The following DPP10 variants were observed in gnomAD, a reference collection of about 807,000 sequenced individuals.
The protein encoded by DPP10 is inactive dipeptidyl peptidase 10.
DPP10 carries 33 observed loss-of-function variants against 120.9 expected under a neutral mutation model. The observed-to-expected ratio is 0.27, with a 90% CI of 0.21 to 0.37. DPP10 has a LOEUF of 0.37. Among genes scored for constraint, DPP10 ranks in the 10% least tolerant of loss-of-function variants. The pLI, the probability that DPP10 is intolerant of heterozygous loss-of-function variation, is 1.00. For synonymous variants in DPP10, 337 were observed against 326.1 expected, an observed-to-expected ratio of 1.03 and a Z score of -0.36; for missense variants, 816 against 942.8, an observed-to-expected ratio of 0.87 and a Z score of 1.76.
chr2:114,590,236 C>G (rs989421304), intron 1 of DPP10, among the ~76,000 whole-genome samples: 3 of 152,022 alleles, frequency 2.0e-5, no homozygotes, highest in African/African-American at 7.2e-5. Flanking sequence ...TTACTGAAAT[C>G]TTATATCTGT....
intron 5 of DPP10, among the ~76,000 whole-genome samples, chr2:115,575,158 G>C (rs143090932): frequency 6.6e-5 from 10 of 152,272 alleles, no homozygotes; most frequent in African/African-American, 2.2e-4. Context: ...ATACCAACAT[G>C]AAAGGCTGAG....
chr2:114,671,213 G>C (rs1455459516), intron 1 of DPP10, among the ~76,000 whole-genome samples: 1 of 152,150 alleles, frequency 6.6e-6, no homozygotes, highest in Non-Finnish European at 1.5e-5. Context: ...AAAGACTAAA[G>C]ACTTAGGAGG....
At chr2:114,595,941 G>T (rs1208637047) in intron 1 of DPP10, among the ~76,000 whole-genome samples, 1 of 152,060 alleles carries the variant, frequency 6.6e-6, no homozygotes, top group Admixed American at 6.6e-5. Flanking sequence ...ATCCCACAGT[G>T]GTTTGCCAAT....
chr2:115,551,536 T>G (rs1222222208), intron 5 of DPP10, among the ~76,000 whole-genome samples: 1 of 152,136 alleles, frequency 6.6e-6, no homozygotes, highest in Non-Finnish European at 1.5e-5. Context: ...TGCCTCTCCC[T>G]AGTATTCCAT....
At chr2:115,231,497 G>A (rs188603841) in intron 1 of DPP10, among the ~76,000 whole-genome samples, 180 of 152,060 alleles carry the variant, frequency 1.2e-3, no homozygotes, top group Non-Finnish European at 2.4e-3. Context: ...AAATTAGAAG[G>A]GGTCTTAGAA....
Position 115,270,889 on chromosome 2 carries a change from T to A in DPP10, c.61-38350T>A, listed in dbSNP as rs1000971699. 2.1e-4 allele frequency among the ~76,000 whole-genome samples: 22 copies of A among 104,578 alleles called. No homozygotes were observed. In the South Asian group the frequency reaches 5.4e-3, roughly 26 times the overall value. 68.6% of individuals were successfully genotyped at this position (104,578 alleles called of 152,430 possible). A position where few individuals can be genotyped will look rare whatever the true frequency, so the allele number is the denominator to read the frequency against. The stretch of plus-strand genomic sequence containing the variant: ...TGAAATCTATTTGTTCTTTATATTG[T>A]TTTTTTTTAAGTTTATCTTCATTAA... On this transcript the variant is annotated intron_variant, in intron 1 of 25. Transcript: ENST00000410059.
At chr2:115,583,302 A>G (rs192146701) in intron 5 of DPP10, among the ~76,000 whole-genome samples, 1 of 152,330 alleles carries the variant, frequency 6.6e-6, no homozygotes, top group Admixed American at 6.5e-5. Flanking sequence ...GCATAAAACC[A>G]CAGGATTGCA....
At chr2:114,963,702 T>G (rs562905092) in intron 1 of DPP10, among the ~76,000 whole-genome samples, 1 of 152,236 alleles carries the variant, frequency 6.6e-6, no homozygotes, top group Non-Finnish European at 1.5e-5. Context: ...TGAGCTAAGC[T>G]TGAGTCTACA....
chr2:114,448,457 G>T (rs991649308), intron 1 of DPP10, among the ~76,000 whole-genome samples: 14 of 152,258 alleles, frequency 9.2e-5, no homozygotes, highest in Non-Finnish European at 1.5e-5. Flanking sequence ...AAGCATGGAC[G>T]TAGTAAGCTA....
chr2:115,819,279 G>A (rs1189150676), intron 21 of DPP10, among the ~76,000 whole-genome samples: 2 of 152,118 alleles, frequency 1.3e-5, no homozygotes, highest in Non-Finnish European at 2.9e-5. Context: ...GTCACCTTTA[G>A]TACTTTGAAA....
rs191360064 is a variant in DPP10 at position 114,915,079 on chromosome 2, C to T, written c.61-394160C>T. Among the ~76,000 whole-genome samples, 1,009 of 151,640 alleles carry T rather than the reference C, an allele frequency of 6.7e-3. 16 individuals carry two copies. Among genetic ancestry groups the T allele is most frequent in the African/African-American group, 0.023 (965 of 41,372 alleles). ...CCGGGAGGCGGAGCTTGCAGTGAGCCGAGATCCCGCCACTGCACCCCAGCC... is the reference window on the plus strand; with the variant it reads ...CCGGGAGGCGGAGCTTGCAGTGAGCTGAGATCCCGCCACTGCACCCCAGCC... On this transcript the variant is annotated intron_variant, in intron 1 of 25. Coordinates refer to ENST00000410059, the MANE Select transcript of DPP10 (RefSeq NM_020868.6).
chr2:115,270,069 C>T, intron 1 of DPP10, among the ~76,000 whole-genome samples: 1 of 13,704 alleles, frequency 7.3e-5, no homozygotes, highest in Non-Finnish European at 3.4e-4. Flanking sequence ...GTATACTTCA[C>T]ACACACACAC....
At chr2:115,294,004 C>T (rs1381994089) in intron 1 of DPP10, among the ~76,000 whole-genome samples, 1 of 152,090 alleles carries the variant, frequency 6.6e-6, no homozygotes, top group Non-Finnish European at 1.5e-5. Flanking sequence ...ATAAAGGAAT[C>T]CACTCAGTCT....
At chr2:114,749,087 AT>A (rs1678930428) in intron 1 of DPP10, among the ~76,000 whole-genome samples, 2 of 143,898 alleles carry the variant, frequency 1.4e-5, no homozygotes, top group South Asian at 4.7e-4. Flanking sequence ...CTTTTGAATG[AT>A]TGCCATTCTA....
intron 1 of DPP10, among the ~76,000 whole-genome samples, chr2:115,053,779 C>T (rs1705689059): frequency 6.6e-6 from 1 of 152,112 alleles, no homozygotes; most frequent in Non-Finnish European, 1.5e-5. Context: ...GTCTGAAACT[C>T]ACAATCATGT....
intron 1 of DPP10, among the ~76,000 whole-genome samples, chr2:114,471,288 T>C (rs187186807): frequency 6.6e-6 from 1 of 152,282 alleles, no homozygotes; most frequent in East Asian, 1.9e-4. Flanking sequence ...TAGTTTAAAT[T>C]TGAGAGTTTT....
intron 21 of DPP10, among the ~76,000 whole-genome samples, chr2:115,827,339 G>GTATATGTATATGTATATGTA (rs1449508519): frequency 2.3e-4 from 32 of 142,164 alleles, no homozygotes; most frequent in African/African-American, 8.0e-4. Context: ...ATATGTATAT[G>GTATATGTATATGTATATGTA]TATATATATG....
intron 5 of DPP10, among the ~76,000 whole-genome samples, chr2:115,635,937 A>C (rs1026588707): frequency 6.6e-6 from 1 of 152,232 alleles, no homozygotes; most frequent in Non-Finnish European, 1.5e-5. Flanking sequence ...ATGTTTTCAA[A>C]GCATCATTGC....
chr2:114,938,716 T>C (rs1232893840), intron 1 of DPP10, among the ~76,000 whole-genome samples: 1 of 142,848 alleles, frequency 7.0e-6, no homozygotes, highest in Non-Finnish European at 1.5e-5. Flanking sequence ...AATTGCCCAT[T>C]TACACTTTGT....
Sources: allele counts gnomAD v4.1 joint callset (sites outside exome capture counted in the v4.1 genomes callset), GRCh38; gene constraint gnomAD v4.1.1; transcripts MANE v1.5; gene names NCBI Gene and HGNC (gene_info 2026-07-23, HGNC 2026-07-21).